Variants in BMP6 observed in about 807,000 individuals in gnomAD.
BMP6 encodes VG-1-R.
BMP6 carries 17 observed loss-of-function variants against 54.1 expected under a neutral mutation model. The ratio of observed to expected loss-of-function variants is 0.31; its 90% confidence interval spans 0.22 to 0.47. The LOEUF is 0.47. Among genes scored for constraint, BMP6 ranks in the 20% least tolerant of loss-of-function variants. The pLI is 1.00. For missense variants in BMP6, 720 were observed against 690.4 expected, an observed-to-expected ratio of 1.04 and a Z score of -0.48; for synonymous variants, 328 against 291.2, an observed-to-expected ratio of 1.13 and a Z score of -1.28.
intron 4 of BMP6, among the ~76,000 whole-genome samples, chr6:7,869,103 C>T (rs138333158): frequency 8.0e-4 from 122 of 152,368 alleles, no homozygotes; most frequent in African/African-American, 2.3e-3. Flanking sequence ...CTTGCTGCAG[C>T]GCCCTAGCCC....
At chr6:7,760,030 C>G (rs953966778) in intron 1 of BMP6, among the ~76,000 whole-genome samples, 1 of 148,976 alleles carries the variant, frequency 6.7e-6, no homozygotes, top group Non-Finnish European at 1.5e-5. Context: ...TCTAAGAAAG[C>G]AGAATTTCAC....
intron 3 of BMP6, 71 bp from the exon 4 acceptor site, chr6:7,862,230 C>G: frequency 6.6e-7 from 1 of 1,523,314 alleles, no homozygotes; most frequent in South Asian, 1.1e-5. Flanking sequence ...AGGAAGTATC[C>G]CTTAACTGTT....
chr6:7,730,812 T>C (rs1407730921), intron 1 of BMP6, among the ~76,000 whole-genome samples: 1 of 152,192 alleles, frequency 6.6e-6, no homozygotes, highest in African/African-American at 2.4e-5. Context: ...TATTAAAGAA[T>C]CTACAGAAAG....
At chr6:7,743,082 C>T (rs1581229239) in intron 1 of BMP6, among the ~76,000 whole-genome samples, 1 of 152,156 alleles carries the variant, frequency 6.6e-6, no homozygotes, top group African/African-American at 2.4e-5. Flanking sequence ...ATTCCATGAA[C>T]TTCAAGGATG....
At chr6:7,871,454 G>GT (rs372496742) in intron 4 of BMP6, among the ~76,000 whole-genome samples, 368 of 152,312 alleles carry the variant, frequency 2.4e-3, no homozygotes, top group African/African-American at 8.2e-3. Context: ...ATTCGTCCTG[G>GT]GGGGGCTTTT....
chr6:7,765,886 G>A (rs938193578), intron 1 of BMP6, among the ~76,000 whole-genome samples: 2 of 152,150 alleles, frequency 1.3e-5, no homozygotes, highest in African/African-American at 4.8e-5. Context: ...CCTCCTTCAA[G>A]TTCAGATTTC....
At chr6:7,868,968 T>G (rs1447367503) in intron 4 of BMP6, among the ~76,000 whole-genome samples, 1 of 152,212 alleles carries the variant, frequency 6.6e-6, no homozygotes, top group African/African-American at 2.4e-5. Context: ...CCCTTCTCCC[T>G]GTCTTGCCCT....
At chr6:7,818,704 G>T (rs1263750254) in intron 1 of BMP6, among the ~76,000 whole-genome samples, 3 of 152,236 alleles carry the variant, frequency 2.0e-5, no homozygotes, top group African/African-American at 4.8e-5. Context: ...AGGTCCTGGA[G>T]CCTTGCCCCG....
intron 1 of BMP6, among the ~76,000 whole-genome samples, chr6:7,755,727 T>G (rs1757505030): frequency 6.6e-6 from 1 of 152,138 alleles, no homozygotes; most frequent in Admixed American, 6.5e-5. Flanking sequence ...CATGTAATAC[T>G]TGTCTACTGG....
intron 1 of BMP6, among the ~76,000 whole-genome samples, chr6:7,807,982 A>G (rs796352372): frequency 3.7e-4 from 49 of 133,240 alleles, no homozygotes; most frequent in East Asian, 6.7e-4. Context: ...GTGCAGTGGC[A>G]CGATCTCAGC....
intron 2 of BMP6, among the ~76,000 whole-genome samples, chr6:7,854,664 C>T (rs1417513170): frequency 1.3e-5 from 2 of 152,148 alleles, no homozygotes; most frequent in Non-Finnish European, 2.9e-5. Context: ...GGCGTGGTGG[C>T]GTGCACCTGT....
rs568873742 is a variant in BMP6, at chr6:7,738,228, G to T, written c.664+10609G>T. On this transcript the variant is annotated intron_variant, in intron 1 of 6. Coordinates refer to ENST00000283147, the MANE Select transcript of BMP6 (RefSeq NM_001718.6). Reference sequence around the variant, plus strand: ...CTGCTAACTTGGTTCAGCAGAGTTTGAACTGACTTTTACTCTCTAACCCCT... The same window carrying T: ...CTGCTAACTTGGTTCAGCAGAGTTTTAACTGACTTTTACTCTCTAACCCCT... 9.8e-5 allele frequency among the ~76,000 whole-genome samples: 15 copies of T among 152,298 alleles called. No individual in the cohort carries two copies. The East Asian group carries it at 2.9e-3, about 29-fold the overall frequency.
At position 7,794,717 on chromosome 6, in the gene BMP6, C is replaced by T. The variant is rs150012783; in HGVS notation, c.665-50423C>T. ...TTACAACCTTAGGAGATCGTATTCT[C>T]AGCCCTAGGTTGAAGGTGAGGAAAT... On this transcript the variant is annotated intron_variant, in intron 1 of 6. Transcript: ENST00000283147. Among the ~76,000 whole-genome samples the T allele has an allele frequency of 1.1e-4, 16 of 152,158 alleles. No individual in the cohort carries two copies. The East Asian group carries it at 3.1e-3, about 29-fold the overall frequency.
chr6:7,764,044 C>T (rs1757650379), intron 1 of BMP6, among the ~76,000 whole-genome samples: 1 of 152,178 alleles, frequency 6.6e-6, no homozygotes, highest in South Asian at 2.1e-4. Context: ...AACAGCCATG[C>T]CCTGCCAGTG....
At position 7,813,662 on chromosome 6, in the gene BMP6, AAAAAAAAC is replaced by A. The variant is rs1354045422; in HGVS notation, c.665-31477_665-31470del. The stretch of plus-strand genomic sequence containing the variant: ...TGTCTCAAAAAAAAAAAAAAAAAAA[AAAAAAAAC>A]CCACCAAACCCAGTATAGAAAATAT... On this transcript the variant is annotated intron_variant, in intron 1 of 6. Transcript: ENST00000283147. 1.2e-4 allele frequency among the ~76,000 whole-genome samples: 18 copies of A among 145,416 alleles called. 2 individuals carry two copies. The highest frequency in any genetic ancestry group is 7.5e-5 in the Non-Finnish European group (5 of 66,554).
intron 1 of BMP6, among the ~76,000 whole-genome samples, chr6:7,740,086 C>T (rs576421650): frequency 6.6e-6 from 1 of 152,250 alleles, no homozygotes; most frequent in South Asian, 2.1e-4. Context: ...GGAGGTCACA[C>T]CCAGTTGCAG....
intron 2 of BMP6, among the ~76,000 whole-genome samples, chr6:7,856,999 A>G (rs1759251770): frequency 6.6e-6 from 1 of 152,186 alleles, no homozygotes; most frequent in South Asian, 2.1e-4. Flanking sequence ...AAAGGGTCGA[A>G]GCCTGTCCAC....
intron 1 of BMP6, among the ~76,000 whole-genome samples, chr6:7,746,807 G>C (rs1469560785): frequency 6.6e-6 from 1 of 152,212 alleles, no homozygotes; most frequent in African/African-American, 2.4e-5. Context: ...TTTGAAGCTA[G>C]TTGGCCCACG....
Position 7,853,021 on chromosome 6 carries a change from G to A in BMP6, c.857+7689G>A, listed in dbSNP as rs114816371. On this transcript the variant is annotated intron_variant, in intron 2 of 6. Coordinates refer to ENST00000283147, the MANE Select transcript of BMP6 (RefSeq NM_001718.6). ...TCCCCAGCTGGTGATACTGCGTAAA[G>A]CTCTAGGCCGCTACCAATTGCTGCT... Among the ~76,000 whole-genome samples, 218 of 152,260 alleles carry A rather than the reference G, an allele frequency of 1.4e-3. 1 individual carries two copies. Among genetic ancestry groups the A allele is most frequent in the Non-Finnish European group, 2.5e-3 (170 of 68,022 alleles).
Sources: gnomAD v4.1 joint callset for allele counts (sites outside exome capture counted in the v4.1 genomes callset) on GRCh38, gnomAD v4.1.1 for gene constraint, MANE v1.5 for transcripts, NCBI Gene and HGNC (gene_info 2026-07-23, HGNC 2026-07-21) for gene names.